PEPD: variants seen among roughly 807,000 people sequenced by gnomAD.
PEPD encodes xaa-Pro dipeptidase.
In PEPD, 53 loss-of-function variants were observed where a neutral mutation model predicts 60.7. The ratio of observed to expected loss-of-function variants is 0.87; its 90% CI spans 0.70 to 1.10. The LOEUF (loss-of-function observed/expected upper bound fraction) is 1.10. Among genes scored for constraint, PEPD ranks in the 50% least tolerant of loss-of-function variants. The pLI, the probability that PEPD is intolerant of heterozygous loss-of-function variation, is 0.00. For missense variants in PEPD, 711 were observed against 711.9 expected (o/e 1.00, Z 0.01); for synonymous variants, 267 against 284.1 (o/e 0.94, Z 0.60).
At chr19:33,520,847 G>A (rs1312496385) in intron 1 of PEPD, among the ~76,000 whole-genome samples, 1 of 152,040 alleles carries the variant, frequency 6.6e-6, no homozygotes, top group African/African-American at 2.4e-5. Context: ...CATAGCTCAG[G>A]GGAGCCTAAT....
chr19:33,485,078 C>T (rs1328330550), intron 6 of PEPD, among the ~76,000 whole-genome samples: 2 of 152,170 alleles, frequency 1.3e-5, no homozygotes, highest in East Asian at 1.9e-4. Context: ...GGCTTCTTTC[C>T]GGGCATATCT....
At chr19:33,449,546 A>G (rs1969657056) in intron 9 of PEPD, among the ~76,000 whole-genome samples, 1 of 152,238 alleles carries the variant, frequency 6.6e-6, no homozygotes. Context: ...GCAGGGTCAC[A>G]GCAGGAGAAT....
chr19:33,469,330 C>T (rs1970078780), intron 7 of PEPD, among the ~76,000 whole-genome samples: 1 of 152,188 alleles, frequency 6.6e-6, no homozygotes, highest in Admixed American at 6.5e-5. Context: ...AATGGCCAAG[C>T]AAGCCCCAGT....
chr19:33,498,865 C>T (rs1416767005), intron 4 of PEPD, among the ~76,000 whole-genome samples: 1 of 152,092 alleles, frequency 6.6e-6, no homozygotes, highest in Non-Finnish European at 1.5e-5. Flanking sequence ...ATCCCTGAGA[C>T]AGGGTCCTGG....
intron 9 of PEPD, among the ~76,000 whole-genome samples, chr19:33,439,714 G>A (rs1444787741): frequency 6.6e-6 from 1 of 152,232 alleles, no homozygotes; most frequent in Non-Finnish European, 1.5e-5. Flanking sequence ...GCACCGTCCT[G>A]AAGAGGCTGT....
chr19:33,396,110 G>C (rs1218356796), intron 12 of PEPD: 1 of 152,384 alleles, frequency 6.6e-6, no homozygotes, highest in African/African-American at 2.4e-5. Flanking sequence ...GGCAGGAGGG[G>C]TGGACATGGT....
Position 33,439,538 on chromosome 19 carries a change from A to C in PEPD, c.671+23457T>G, listed in dbSNP as rs557357973. On this transcript the variant is annotated intron_variant, in intron 9 of 14. Transcript: ENST00000244137. Reference sequence around the variant, plus strand: ...GCTGTGAGGTTCATTGAGCCTCCCCAGCTGCTCTCACTAGCAGGGCTGCCC... The same window carrying C: ...GCTGTGAGGTTCATTGAGCCTCCCCCGCTGCTCTCACTAGCAGGGCTGCCC... 3.9e-5 allele frequency among the ~76,000 whole-genome samples: 6 copies of C among 152,286 alleles called. No individual in the cohort carries two copies. The South Asian group carries it at 1.2e-3, about 32-fold the overall frequency.
At chr19:33,436,936 G>A (rs1477631587) in intron 9 of PEPD, among the ~76,000 whole-genome samples, 2 of 152,236 alleles carry the variant, frequency 1.3e-5, no homozygotes, top group East Asian at 1.9e-4. Flanking sequence ...CTACAAGAGC[G>A]TTAAAGTCCG....
At chr19:33,444,676 A>C (rs1600120525) in intron 9 of PEPD, among the ~76,000 whole-genome samples, 2 of 144,504 alleles carry the variant, frequency 1.4e-5, no homozygotes, top group Non-Finnish European at 1.5e-5. Context: ...CCCCACAGCC[A>C]CCTCCGTCCA....
intron 9 of PEPD, among the ~76,000 whole-genome samples, chr19:33,452,469 T>A (rs1475991799): frequency 6.6e-6 from 1 of 152,056 alleles, no homozygotes; most frequent in Non-Finnish European, 1.5e-5. Flanking sequence ...ATCAATGAGT[T>A]TGACCAACAG....
chr19:33,387,816 G>A, intron 14 of PEPD, 74 bp downstream of exon 14: 1 of 1,256,142 alleles, frequency 8.0e-7, no homozygotes, highest in Middle Eastern at 2.6e-4. Context: ...CCCTGTCTTG[G>A]GACTAAGGAG....
At chr19:33,461,482 T>C (rs7258593) in intron 9 of PEPD, among the ~76,000 whole-genome samples, 60,397 of 151,836 alleles carry the variant, frequency 0.4, 12,704 homozygotes, top group African/African-American at 0.53. Context: ...GTAGCCACCT[T>C]GGGAGCAGGA....
At chr19:33,486,624 A>G (rs1970401727) in intron 6 of PEPD, among the ~76,000 whole-genome samples, 1 of 151,310 alleles carries the variant, frequency 6.6e-6, no homozygotes, top group Admixed American at 6.6e-5. Context: ...GACCCCACAC[A>G]CTCTTACTGC....
intron 7 of PEPD, among the ~76,000 whole-genome samples, chr19:33,475,662 C>A (rs1267423692): frequency 6.6e-6 from 1 of 152,022 alleles, no homozygotes; most frequent in East Asian, 1.9e-4. Context: ...AGTACAGGAC[C>A]CAGCCATGGT....
chr19:33,391,188 C>T (rs1968209026), intron 13 of PEPD, 107 bp downstream of exon 13: 7 of 908,912 alleles, frequency 7.7e-6, no homozygotes, highest in Non-Finnish European at 1.2e-5. Context: ...CCCATCCCTG[C>T]CATCCCAATA....
rs1260167208 is a variant in PEPD at position 33,457,232 on chromosome 19, GA to G, written c.671+5762del. Among the ~76,000 whole-genome samples, 5 of 152,150 alleles carry G rather than the reference GA, an allele frequency of 3.3e-5. No individual in the cohort carries two copies. The East Asian group carries it at 9.7e-4, about 29-fold the overall frequency. On this transcript the variant is annotated intron_variant, in intron 9 of 14. Transcript: ENST00000244137. Reference sequence around the variant, plus strand: ...GGAATGCTAGAGCTCTGGAGTTCTAGACCAGCCTGGGCAACAAGGCAAAACT... The same window carrying G: ...GGAATGCTAGAGCTCTGGAGTTCTAGCCAGCCTGGGCAACAAGGCAAAACT...
At chr19:33,495,270 A>G (rs1319764882) in intron 4 of PEPD, among the ~76,000 whole-genome samples, 5 of 151,600 alleles carry the variant, frequency 3.3e-5, no homozygotes, top group African/African-American at 1.2e-4. Flanking sequence ...CACTTTTGGA[A>G]GCTGAGGCAG....
chr19:33,422,834 C>CTATCTATCTATCTATCTATCTATCTATA (rs1969055358), intron 9 of PEPD, among the ~76,000 whole-genome samples: 1 of 132,416 alleles, frequency 7.6e-6, no homozygotes, highest in Non-Finnish European at 1.8e-5. Context: ...ATCTATCTAT[C>CTATCTATCTATCTATCTATCTATCTATA]TATCCATCTA....
chr19:33,406,933 A>AC (rs1434509226), intron 11 of PEPD, among the ~76,000 whole-genome samples: 1 of 151,826 alleles, frequency 6.6e-6, no homozygotes, highest in Admixed American at 6.6e-5. Flanking sequence ...CTGGCCACCC[A>AC]CCCCCCATGC....
Sources: gnomAD v4.1 joint callset for allele counts (sites outside exome capture counted in the v4.1 genomes callset) on GRCh38, gnomAD v4.1.1 for gene constraint, MANE v1.5 for transcripts, NCBI Gene and HGNC (gene_info 2026-07-23, HGNC 2026-07-21) for gene names.